MACROD2: variants seen among roughly 807,000 people sequenced by gnomAD.
MACROD2 encodes mono-ADP ribosylhydrolase 2.
MACROD2 carries 36 observed loss-of-function variants against 70.4 expected under a neutral mutation model. That is an observed-to-expected ratio of 0.51 (90% CI 0.39 to 0.68). The LOEUF (loss-of-function observed/expected upper bound fraction) is 0.68, where lower values mean the gene tolerates loss of function less well. Ranked by LOEUF, MACROD2 falls within the 30% of genes least tolerant of loss-of-function variation. MACROD2 has a pLI of 0.00. For synonymous variants in MACROD2, 172 were observed against 178.8 expected (o/e 0.96, Z 0.30); for missense variants, 496 against 538.4 (o/e 0.92, Z 0.78).
intron 8 of MACROD2, among the ~76,000 whole-genome samples, chr20:15,828,538 T>C (rs1277994733): frequency 6.6e-6 from 1 of 152,146 alleles, no homozygotes; most frequent in Non-Finnish European, 1.5e-5. Flanking sequence ...TTTAAAGCCA[T>C]GAACAAATGT....
rs1983910353 is a variant in MACROD2 at position 14,622,916 on chromosome 20, A to G, written c.302-61927A>G. 3 of 152,278 alleles carry G rather than the reference A, an allele frequency of 2.0e-5. No homozygotes were observed. In the South Asian group the frequency reaches 6.2e-4, roughly 32 times the overall value. 9.4% of individuals were successfully genotyped at this position (152,278 alleles called of 1,614,324 possible). On this transcript the variant is annotated intron_variant, in intron 4 of 17. Coordinates refer to ENST00000684519, the MANE Select transcript of MACROD2 (RefSeq NM_001351661.2). ...CAGATCCCCCTTTCAGAACCGAGGC[A>G]CTATTTCCCCACCTACTGGAAGTGT...
At chr20:14,688,947 C>A (rs551813650) in intron 5 of MACROD2, among the ~76,000 whole-genome samples, 1 of 152,116 alleles carries the variant, frequency 6.6e-6, no homozygotes, top group South Asian at 2.1e-4. Flanking sequence ...CTTTTCCTTC[C>A]GCAATTATTC....
At chr20:14,665,697 T>C (rs1226508381) in intron 4 of MACROD2, among the ~76,000 whole-genome samples, 1 of 152,118 alleles carries the variant, frequency 6.6e-6, no homozygotes, top group African/African-American at 2.4e-5. Context: ...TATTAGAATT[T>C]TTTTTCCTCA....
At chr20:14,606,996 T>A (rs1168470335) in intron 4 of MACROD2, among the ~76,000 whole-genome samples, 1 of 152,170 alleles carries the variant, frequency 6.6e-6, no homozygotes, top group Non-Finnish European at 1.5e-5. Context: ...CACATGTGAT[T>A]CAAGGCACAG....
chr20:14,241,602 A>G (rs539173980), intron 3 of MACROD2, among the ~76,000 whole-genome samples: 16 of 152,230 alleles, frequency 1.1e-4, no homozygotes, highest in African/African-American at 3.9e-4. Flanking sequence ...CACCTTTAGT[A>G]AAGGTACATG....
intron 6 of MACROD2, among the ~76,000 whole-genome samples, chr20:15,327,147 G>A (rs1402774110): frequency 1.3e-5 from 2 of 152,050 alleles, no homozygotes; most frequent in Non-Finnish European, 2.9e-5. Context: ...GACACTCACG[G>A]GCATGTATGA....
intron 3 of MACROD2, among the ~76,000 whole-genome samples, chr20:14,304,878 C>T (rs2082506268): frequency 6.6e-6 from 1 of 151,834 alleles, no homozygotes; most frequent in African/African-American, 2.4e-5. Context: ...ATATTTTCCT[C>T]CTAGATTGTA....
chr20:15,872,135 C>T (rs1422036726), intron 9 of MACROD2, among the ~76,000 whole-genome samples: 1 of 152,184 alleles, frequency 6.6e-6, no homozygotes, highest in East Asian at 1.9e-4. Context: ...AAAAAAGCCA[C>T]ATATTATCCA....
At chr20:14,405,220 T>C (rs531424279) in intron 3 of MACROD2, among the ~76,000 whole-genome samples, 1 of 152,278 alleles carries the variant, frequency 6.6e-6, no homozygotes, top group Non-Finnish European at 1.5e-5. Context: ...GAAGGAAAAC[T>C]TGAGTGATCG....
At chr20:16,039,983 C>A (rs1049112903) in intron 15 of MACROD2, among the ~76,000 whole-genome samples, 3 of 151,834 alleles carry the variant, frequency 2.0e-5, no homozygotes, top group African/African-American at 7.3e-5. Context: ...CCCACATGTT[C>A]CATTCATAAT....
At chr20:15,790,779 A>G (rs959248685) in intron 8 of MACROD2, among the ~76,000 whole-genome samples, 9 of 151,930 alleles carry the variant, frequency 5.9e-5, no homozygotes, top group Non-Finnish European at 1.3e-4. Flanking sequence ...TAGTAAATGC[A>G]GTGGAATCAA....
intron 5 of MACROD2, among the ~76,000 whole-genome samples, chr20:14,718,948 A>G (rs561835005): frequency 9.1e-4 from 139 of 152,278 alleles, no homozygotes; most frequent in Non-Finnish European, 5.9e-5. Context: ...AAATACATAT[A>G]GTCAGCCGGG....
chr20:14,875,178 C>T lies in MACROD2; in HGVS notation c.418+190219C>T, dbSNP rs1232497949. On this transcript the variant is annotated intron_variant, in intron 5 of 17. Coordinates refer to ENST00000684519, the MANE Select transcript of MACROD2 (RefSeq NM_001351661.2). ...TGGGCGGATCACGAGGTCAGGAGTT[C>T]GAGACCAGCCTAGCCAACATAGTGA... Among the ~76,000 whole-genome samples the T allele has an allele frequency of 4.0e-5, 6 of 151,718 alleles. No individual in the cohort carries two copies. The South Asian group carries it at 6.3e-4, about 16-fold the overall frequency.
chr20:15,987,365 T>C (rs2066501160), intron 15 of MACROD2, among the ~76,000 whole-genome samples: 1 of 152,202 alleles, frequency 6.6e-6, no homozygotes, highest in African/African-American at 2.4e-5. Context: ...AGCAATTACA[T>C]ATAGCATAAA....
intron 6 of MACROD2, among the ~76,000 whole-genome samples, chr20:15,303,000 T>C (rs989882904): frequency 6.6e-6 from 1 of 152,220 alleles, no homozygotes; most frequent in Non-Finnish European, 1.5e-5. Flanking sequence ...AATATTTATG[T>C]GAAGGCTTTG....
At chr20:15,917,691 G>A (rs2147281543) in intron 10 of MACROD2, among the ~76,000 whole-genome samples, 1 of 152,236 alleles carries the variant, frequency 6.6e-6, no homozygotes, top group Admixed American at 6.5e-5. Flanking sequence ...ATCAGCAAGT[G>A]AAATCAAAAT....
chr20:15,287,123 T>C (rs2077499448), intron 6 of MACROD2, among the ~76,000 whole-genome samples: 2 of 152,152 alleles, frequency 1.3e-5, no homozygotes, highest in Non-Finnish European at 1.5e-5. Context: ...TTTCCATAAA[T>C]TCAATGTAAA....
At chr20:14,517,111 A>G (rs112789976) in intron 4 of MACROD2, among the ~76,000 whole-genome samples, 1,924 of 152,332 alleles carry the variant, frequency 0.013, 17 homozygotes, top group Non-Finnish European at 0.02. Context: ...TATTTCAACC[A>G]TTGTAGAAGA....
At chr20:14,049,185 A>C (rs1264207197) in intron 2 of MACROD2, among the ~76,000 whole-genome samples, 2 of 127,650 alleles carry the variant, frequency 1.6e-5, no homozygotes, top group African/African-American at 5.5e-5. Context: ...AAAAAAAAAA[A>C]AAAACAAAAA....
Sources: allele counts gnomAD v4.1 joint callset (sites outside exome capture counted in the v4.1 genomes callset), GRCh38; gene constraint gnomAD v4.1.1; transcripts MANE v1.5; gene names NCBI Gene and HGNC (gene_info 2026-07-23, HGNC 2026-07-21).